The following IPP variants were observed in gnomAD, a reference collection of about 807,000 sequenced individuals.
IPP encodes the protein intracisternal A particle-promoted polypeptide.
Under a neutral mutation model 64.1 loss-of-function variants are expected in IPP, and 41 were observed. That is an observed-to-expected ratio of 0.64 (90% CI 0.50 to 0.83). IPP has a LOEUF of 0.83. Ranked by LOEUF, IPP falls within the 40% of genes least tolerant of loss-of-function variation. The pLI is 0.00. For missense variants in IPP, 649 were observed against 703.0 expected (o/e 0.92, Z 0.87); for synonymous variants, 214 against 235.2 (o/e 0.91, Z 0.83).
chr1:45,721,404 C>T (rs1249751396), intron 5 of IPP, among the ~76,000 whole-genome samples: 6 of 152,192 alleles, frequency 3.9e-5, no homozygotes, highest in Non-Finnish European at 7.3e-5. Flanking sequence ...CTGCAAAAAC[C>T]TTGGGCACTA....
intron 8 of IPP, among the ~76,000 whole-genome samples, chr1:45,712,338 A>C (rs1159081867): frequency 6.6e-6 from 1 of 151,450 alleles, no homozygotes; most frequent in African/African-American, 2.4e-5. Context: ...CTTAATGGAC[A>C]TTAGAACACC....
chr1:45,722,896 A>G (rs1370695328), intron 5 of IPP, among the ~76,000 whole-genome samples: 1 of 152,242 alleles, frequency 6.6e-6, no homozygotes, highest in Non-Finnish European at 1.5e-5. Context: ...ATATGATTCC[A>G]TTTATATGAA....
chr1:45,724,593 C>T (rs1645782912), intron 5 of IPP, among the ~76,000 whole-genome samples: 1 of 151,492 alleles, frequency 6.6e-6, no homozygotes, highest in South Asian at 2.1e-4. Flanking sequence ...TGCCCGGCCG[C>T]CCATCGTCTG....
chr1:45,727,989 G>A (rs145624192), intron 4 of IPP, among the ~76,000 whole-genome samples, 191 bp from the exon 5 acceptor site: 1 of 152,204 alleles, frequency 6.6e-6, no homozygotes, highest in African/African-American at 2.4e-5. Context: ...TAGCCTCAGT[G>A]TTTTACCACT....
rs912503919 is a variant in IPP at position 45,738,708 on chromosome 1, C to T, written c.724+2193G>A. On this transcript the variant is annotated intron_variant, in intron 3 of 8. Transcript: ENST00000396478. ...ACAAAAAATTAGCCGGGCATGGTGG[C>T]GGGCGCCTGTAGTCCCAGCTACTTG... Among the ~76,000 whole-genome samples, 6 of 151,572 alleles carry T rather than the reference C, an allele frequency of 4.0e-5. No individual in the cohort carries two copies. In the South Asian group the frequency reaches 6.3e-4, roughly 16 times the overall value.
intron 3 of IPP, among the ~76,000 whole-genome samples, chr1:45,732,361 C>CAAAAAAAA (rs779442718): frequency 0.011 from 653 of 58,620 alleles, 3 homozygotes; most frequent in African/African-American, 0.025. Flanking sequence ...GACTCCACCT[C>CAAAAAAAA]AAAAAAAAAA....
At position 45,699,107 on chromosome 1, in the gene IPP, C is replaced by T. The variant is rs147891058; in HGVS notation, c.*859G>A. 3.9e-4 allele frequency: 381 copies of T among 985,290 alleles called. 1 individual carries two copies. The African/African-American group carries it at 6.3e-3, about 16-fold the overall frequency. The allele number at this position is 985,290 out of a possible 1,614,324, so 61.0% of individuals were successfully genotyped here. A position where few individuals can be genotyped will look rare whatever the true frequency, so the allele number is the denominator to read the frequency against. ...ACAACATCTGGTCACTAAGAACCTC[C>T]TATTAATTCCTTACTTGCATTCTCA... On this transcript the variant is annotated 3_prime_UTR_variant, in exon 9 of 9. Transcript: ENST00000396478.
intron 5 of IPP, among the ~76,000 whole-genome samples, chr1:45,720,404 C>A (rs1003772062): frequency 6.6e-6 from 1 of 151,940 alleles, no homozygotes; most frequent in African/African-American, 2.4e-5. Flanking sequence ...GTCAATGTAT[C>A]ATGAAGATTT....
intron 5 of IPP, among the ~76,000 whole-genome samples, chr1:45,726,473 A>C (rs1645829723): frequency 1.3e-5 from 2 of 152,120 alleles, no homozygotes; most frequent in African/African-American, 4.8e-5. Flanking sequence ...TATCAAATAA[A>C]TAAGTAAATT....
intron 3 of IPP, among the ~76,000 whole-genome samples, chr1:45,732,660 TTTTATTTA>T (rs77577476): frequency 0.28 from 42,298 of 151,226 alleles, 6,006 homozygotes; most frequent in South Asian, 0.36. Context: ...TTTAAAGTAT[TTTTATTTA>T]TTTATTTATT....
Position 45,741,003 on chromosome 1 carries a change from T to C in IPP, c.622A>G (p.Ile208Val). 6.2e-7 allele frequency: 1 copy of C among 1,614,008 alleles called. No individual in the cohort carries two copies. Among genetic ancestry groups the C allele is most frequent in the Non-Finnish European group, 8.5e-7 (1 of 1,179,882 alleles). Reference protein sequence around the residue: ...YQVFLAAMQWILKDLGKRRKH... With the variant: ...YQVFLAAMQWVLKDLGKRRKH... ...CTTCTTTTTCCCAAATCTTTCAGAATCCATTGCATTGCAGCTAAGAAGACC... is the reference window on the plus strand; with the variant it reads ...CTTCTTTTTCCCAAATCTTTCAGAACCCATTGCATTGCAGCTAAGAAGACC... The change falls in exon 3 of 9, where the codon ATT (isoleucine) becomes GTT (valine). Residue 208 changes from isoleucine (I) to valine (V), a missense_variant. Ile to Val is a conservative substitution (Grantham distance 29). Coordinates refer to ENST00000396478, the MANE Select transcript of IPP (RefSeq NM_005897.3).
At chr1:45,709,432 C>CAA (rs71058701) in intron 8 of IPP, among the ~76,000 whole-genome samples, 16 of 66,176 alleles carry the variant, frequency 2.4e-4, no homozygotes, top group Middle Eastern at 0.011. Flanking sequence ...GACTCCGTCT[C>CAA]AAAAAAAAAA....
chr1:45,739,409 C>CTTTT (rs531027721), intron 3 of IPP, among the ~76,000 whole-genome samples: 11 of 90,578 alleles, frequency 1.2e-4, no homozygotes, highest in Non-Finnish European at 1.7e-4. Flanking sequence ...AATTTTTTGC[C>CTTTT]TTTTTTTTTT....
At chr1:45,735,466 C>CTTTTTTTTTTTTTTTTTTTTTTTTTTTTT (rs756979985) in intron 3 of IPP, among the ~76,000 whole-genome samples, 4 of 57,948 alleles carry the variant, frequency 6.9e-5, no homozygotes, top group Non-Finnish European at 9.3e-5. Context: ...TTTAATTTTG[C>CTTTTTTTTTTTTTTTTTTTTTTTTTTTTT]TTTTTTTTTT....
chr1:45,743,279 C>T (rs1646091303), intron 2 of IPP, among the ~76,000 whole-genome samples: 1 of 150,814 alleles, frequency 6.6e-6, no homozygotes, highest in African/African-American at 2.4e-5. Flanking sequence ...GCTCTGTTGC[C>T]CAGGCTAGAG....
At chr1:45,728,788 C>G (rs1645867426) in intron 4 of IPP, among the ~76,000 whole-genome samples, 1 of 152,078 alleles carries the variant, frequency 6.6e-6, no homozygotes, top group East Asian at 1.9e-4. Context: ...TGAGCCACCA[C>G]ATCCAGATGT....
At chr1:45,744,105 C>T (rs1185017325) in intron 2 of IPP, among the ~76,000 whole-genome samples, 2 of 151,722 alleles carry the variant, frequency 1.3e-5, no homozygotes, top group Non-Finnish European at 2.9e-5. Context: ...TTTTTCCATA[C>T]ACAGACATAC....
intron 8 of IPP, among the ~76,000 whole-genome samples, chr1:45,712,624 G>A (rs1379950845): frequency 1.3e-5 from 2 of 151,756 alleles, no homozygotes; most frequent in Non-Finnish European, 2.9e-5. Flanking sequence ...TTGGGAGGCC[G>A]AGGCAGGAAG....
intron 4 of IPP, among the ~76,000 whole-genome samples, chr1:45,728,126 C>CTGTGTGTGTGTG (rs371114917): frequency 1.7e-4 from 22 of 132,274 alleles, no homozygotes; most frequent in Admixed American, 2.3e-4. Flanking sequence ...GAGTTGAAAG[C>CTGTGTGTGTGTG]TGTGTGTGTG....
Sources: allele counts gnomAD v4.1 joint callset (sites outside exome capture counted in the v4.1 genomes callset), GRCh38; gene constraint gnomAD v4.1.1; transcripts MANE v1.5; gene names NCBI Gene and HGNC (gene_info 2026-07-23, HGNC 2026-07-21).